The following SBNO2 variants were observed in gnomAD, a reference collection of about 807,000 sequenced individuals.
SBNO2 encodes strawberry notch homolog 2, also known as protein strawberry notch homolog 2.
In SBNO2, 89 loss-of-function variants were observed where a neutral mutation model predicts 146.3. The observed-to-expected ratio is 0.61, with a 90% CI of 0.51 to 0.73. SBNO2 has a LOEUF of 0.73. SBNO2 is among the 30% of genes least tolerant of loss of function. SBNO2 has a pLI of 0.00. For missense variants in SBNO2, 2,092 were observed against 2,003.7 expected (o/e 1.04, Z -0.84); for synonymous variants, 1,147 against 892.6 (o/e 1.29, Z -5.08).
At chr19:1,156,447 G>A (rs890417303) in intron 1 of SBNO2, among the ~76,000 whole-genome samples, 8 of 152,122 alleles carry the variant, frequency 5.3e-5, no homozygotes, top group Non-Finnish European at 1.2e-4. Context: ...GGCGGAGGCG[G>A]ATCCTCACAC....
intron 1 of SBNO2, among the ~76,000 whole-genome samples, chr19:1,164,118 G>A (rs1014460858): frequency 1.3e-5 from 2 of 152,354 alleles, no homozygotes; most frequent in Non-Finnish European, 2.9e-5. Flanking sequence ...GGTGTTGGCC[G>A]TGGGGGCTTC....
chr19:1,146,251 G>A lies in SBNO2; in HGVS notation c.279+1058C>T, dbSNP rs1010077290. On this transcript the variant is annotated intron_variant, in intron 4 of 31. Coordinates refer to ENST00000361757, the MANE Select transcript of SBNO2 (RefSeq NM_014963.3). Reference sequence around the variant, plus strand: ...CTGGGGAGGCGGACTTGACGGACGCGGTCACCCCAGCACAGACTCAGGGTC... The same window carrying A: ...CTGGGGAGGCGGACTTGACGGACGCAGTCACCCCAGCACAGACTCAGGGTC... Among the ~76,000 whole-genome samples, 14 of 152,232 alleles carry A rather than the reference G, an allele frequency of 9.2e-5. No individual in the cohort carries two copies. In the East Asian group the frequency reaches 2.5e-3, roughly 27 times the overall value.
chr19:1,132,201 C>T (rs1190949669), intron 4 of SBNO2: 1 of 1,361,610 alleles, frequency 7.3e-7, no homozygotes. Context: ...CCCTCATGAC[C>T]GCGGCAGCAG....
In SBNO2 at chr19:1,119,102, C is replaced by T; in HGVS notation, c.1436G>A (p.Arg479His). 1 of 1,604,724 alleles carries T rather than the reference C, an allele frequency of 6.2e-7. No homozygotes were observed. The highest frequency in any genetic ancestry group is 8.5e-7 in the Non-Finnish European group (1 of 1,176,766). Residue 479 changes from arginine (R) to histidine (H), a missense_variant, in exon 14 of 32, where the codon CGC becomes CAC. Physicochemically the swap from Arg to His is conservative, Grantham distance 29 (BLOSUM62 0). Transcript: ENST00000361757. ...GGTGACGCCGGAGAAGCTGAGCTGG[C>T]GTGCGATGTACATGCCGCTGACCTT... ...DMKVSGMYIA[R>H]QLSFSGVTFR...
intron 17 of SBNO2, 80 bp downstream of exon 17, chr19:1,115,941 A>C: frequency 9.5e-7 from 1 of 1,049,598 alleles, no homozygotes; most frequent in Non-Finnish European, 1.4e-6. Flanking sequence ...GAGTGGGGGA[A>C]GCAGGGAGCG....
intron 9 of SBNO2, 34 bp from the exon 10 acceptor site, chr19:1,122,592 T>TGCCCCCCCCCCCCCCCC: frequency 6.9e-7 from 1 of 1,455,728 alleles, no homozygotes; most frequent in Non-Finnish European, 9.2e-7. Context: ...CGCCCACCCT[T>TGCCCCCCCCCCCCCCCC]CCCCCTCGCC....
At chr19:1,117,577 G>T in intron 14 of SBNO2, 78 bp from the exon 15 acceptor site, 1 of 1,443,162 alleles carries the variant, frequency 6.9e-7, no homozygotes. Context: ...CCTGCCGCCA[G>T]CCCTGGGCAA....
At chr19:1,132,596 C>A (rs1179135289) in intron 4 of SBNO2, among the ~76,000 whole-genome samples, 3 of 152,200 alleles carry the variant, frequency 2.0e-5, no homozygotes, top group Non-Finnish European at 4.4e-5. Context: ...AGGGAAACTG[C>A]GGCCAAGACC....
chr19:1,116,894 C>T lies in SBNO2; in HGVS notation c.1737G>A (p.Glu579=), dbSNP rs1361027599. ...CCCCCAGCACCTCCCGCGTGCGCGCCTCGCCCGTGGACTGCAGCCCGATGA... is the reference window on the plus strand; with the variant it reads ...CCCCCAGCACCTCCCGCGTGCGCGCTTCGCCCGTGGACTGCAGCCCGATGA... The part of the protein sequence containing the change: ...CVVIGLQSTG[E]ARTREVLGEN... Residue 579 remains glutamate, a synonymous_variant, in exon 16 of 32, where the codon GAG becomes GAA. Coordinates refer to ENST00000361757, the MANE Select transcript of SBNO2 (RefSeq NM_014963.3). 1 of 1,572,890 alleles carries T rather than the reference C, an allele frequency of 6.4e-7. No individual in the cohort carries two copies. The highest frequency in any genetic ancestry group is 1.2e-5 in the South Asian group (1 of 86,542).
Position 1,126,174 on chromosome 19 carries a change from T to C in SBNO2, c.441+1430A>G, listed in dbSNP as rs1447181561. Among the ~76,000 whole-genome samples, 4 of 152,202 alleles carry C rather than the reference T, an allele frequency of 2.6e-5. No individual in the cohort carries two copies. In the East Asian group the frequency reaches 5.8e-4, roughly 22 times the overall value. Reference sequence around the variant, plus strand: ...GCTAATGAACTGAGTCCACAGCTTCTGCATTTTCTAACACTAGGAACACTC... The same window carrying C: ...GCTAATGAACTGAGTCCACAGCTTCCGCATTTTCTAACACTAGGAACACTC... On this transcript the variant is annotated intron_variant, in intron 5 of 31. Transcript: ENST00000361757. The surrounding 1 kb of genome is among the most constrained non-coding windows in gnomAD (Gnocchi z 4.4).
chr19:1,108,954 C>A lies in SBNO2; in HGVS notation c.3441G>T (p.Arg1147=). Residue 1147 remains arginine (R), a synonymous_variant, in exon 31 of 32, where the codon CGG becomes CGT. Coordinates refer to ENST00000361757, the MANE Select transcript of SBNO2 (RefSeq NM_014963.3). The part of the protein sequence containing the change: ...CSHSAWNRHC[R]LAQEGKDCLQ... ...GGCAGTCCTTACCCTCCTGCGCCAG[C>A]CGGCAGTGCCGGTTCCTGCGGACGA... 6.5e-7 allele frequency: 1 copy of A among 1,541,714 alleles called. No individual in the cohort carries two copies. Among genetic ancestry groups the A allele is most frequent in the Non-Finnish European group, 8.7e-7 (1 of 1,150,108 alleles).
chr19:1,153,490 T>C (rs1039461454), intron 2 of SBNO2, among the ~76,000 whole-genome samples: 6 of 149,838 alleles, frequency 4.0e-5, no homozygotes, highest in Admixed American at 6.6e-5. Flanking sequence ...CTGCCCGCCT[T>C]GGCCTCTGAA....
chr19:1,108,186 CTG>C lies in SBNO2; in HGVS notation c.*32_*33del, dbSNP rs1271382560. 1 of 1,510,178 alleles carries C rather than the reference CTG, an allele frequency of 6.6e-7. No individual in the cohort carries two copies. The highest frequency in any genetic ancestry group is 8.9e-7 in the Non-Finnish European group (1 of 1,125,810). 93.5% of individuals were successfully genotyped at this position (1,510,178 alleles called of 1,614,324 possible). ...GCTGCTCCTAGGGGAGAAACGGTCCCTGTGTCTTGGGGCATGTTTCGCCTAAA... is the reference window on the plus strand; with the variant it reads ...GCTGCTCCTAGGGGAGAAACGGTCCCTGTCTTGGGGCATGTTTCGCCTAAA... On this transcript the variant is annotated 3_prime_UTR_variant, in exon 32 of 32. Coordinates refer to ENST00000361757, the MANE Select transcript of SBNO2 (RefSeq NM_014963.3).
chr19:1,122,057 C>T (rs2079906520), intron 11 of SBNO2, 82 bp downstream of exon 11: 1 of 1,041,096 alleles, frequency 9.6e-7, no homozygotes. Flanking sequence ...ACTCCCACCC[C>T]TCCTCTCCCA....
At chr19:1,118,950 C>T (rs1010652518) in intron 14 of SBNO2, 61 bp downstream of exon 14, 28 of 1,519,912 alleles carry the variant, frequency 1.8e-5, no homozygotes, top group African/African-American at 5.4e-5. Context: ...TGCAAGGCCA[C>T]GGGGGAGCAA....
At chr19:1,131,640 C>T (rs1026544558) in intron 4 of SBNO2, among the ~76,000 whole-genome samples, 2 of 152,210 alleles carry the variant, frequency 1.3e-5, no homozygotes, top group Non-Finnish European at 2.9e-5. Flanking sequence ...CCCACCCAGC[C>T]TCCGCTCCCT....
chr19:1,167,344 A>G (rs35921363), intron 1 of SBNO2, among the ~76,000 whole-genome samples: 40,629 of 152,260 alleles, frequency 0.27, 6,366 homozygotes, highest in East Asian at 0.45. Flanking sequence ...TCAGAGGTCC[A>G]GGTGGGCTGG....
At chr19:1,139,197 T>G (rs2080112723) in intron 4 of SBNO2, among the ~76,000 whole-genome samples, 1 of 152,184 alleles carries the variant, frequency 6.6e-6, no homozygotes, top group East Asian at 1.9e-4. Context: ...ATAGCTCGGA[T>G]GTACCTTGAG....
intron 4 of SBNO2, among the ~76,000 whole-genome samples, chr19:1,129,579 A>G (rs1013342985): frequency 6.6e-6 from 1 of 152,034 alleles, no homozygotes; most frequent in Non-Finnish European, 1.5e-5. Context: ...GTTGGGGAGC[A>G]TTCATCCCAC....
Sources: gnomAD v4.1 joint callset for allele counts (sites outside exome capture counted in the v4.1 genomes callset) on GRCh38, gnomAD v4.1.1 for gene constraint, Gnocchi (gnomAD v3.1) non-coding constraint, MANE v1.5 for transcripts, NCBI Gene and HGNC (gene_info 2026-07-23, HGNC 2026-07-21) for gene names.